The following BCOR variants were observed in gnomAD, a reference collection of about 807,000 sequenced individuals.
BCOR encodes BCL6 corepressor, also known as BCL-6 corepressor.
BCOR carries 10 observed loss-of-function variants against 86.7 expected under a neutral mutation model. The ratio of observed to expected loss-of-function variants is 0.12; its 90% CI spans 0.07 to 0.20. The LOEUF (loss-of-function observed/expected upper bound fraction) is 0.20. BCOR is among the 10% of genes least tolerant of loss of function. BCOR has a pLI of 1.00. For missense variants in BCOR, 1,259 were observed against 1,452.1 expected, an observed-to-expected ratio of 0.87 and a Z score of 2.16; for synonymous variants, 611 against 609.0, an observed-to-expected ratio of 1.00 and a Z score of -0.05.
At chrX:40,072,039 G>A in intron 4 of BCOR, 2 of 404,491 alleles carry the variant, frequency 4.9e-6, no homozygotes, top group Non-Finnish European at 8.6e-6. Context: ...CTTACAGGCA[G>A]AGAAATCAAA....
chrX:40,153,679 C>A (rs1938219111), intron 1 of BCOR, among the ~76,000 whole-genome samples: 1 of 111,798 alleles, frequency 8.9e-6, no homozygotes, highest in South Asian at 3.7e-4. Context: ...CGAAAAGCCC[C>A]GAGGAGAGGA....
upstream of BCOR, among the ~76,000 whole-genome samples, chrX:40,099,496 A>G (rs2147774457): frequency 8.9e-6 from 1 of 112,338 alleles, no homozygotes; most frequent in East Asian, 2.8e-4. Flanking sequence ...TGCAGGCTCC[A>G]TGAAACATAA....
At position 40,063,080 on chromosome X, in the gene BCOR, G is replaced by GGAGGGGGT; in HGVS notation, c.3848-17_3848-10dup. 1 of 1,138,751 alleles carries GGAGGGGGT rather than the reference G, an allele frequency of 8.8e-7. No individual in the cohort carries two copies. Among genetic ancestry groups the GGAGGGGGT allele is most frequent in the Admixed American group, 2.6e-5 (1 of 38,120 alleles). The allele number at this position is 1,138,751 out of a possible 1,213,427, so 93.8% of individuals were successfully genotyped here. On this transcript the variant is annotated splice_polypyrimidine_tract_variant and intron_variant, in intron 8 of 14. Transcript: ENST00000378444. Reference sequence around the variant, plus strand: ...GGAGAACACAGGCAAGCCTAAATACGGAGGGGGTGACGGGGTGGCGGGCGG... The same window carrying GGAGGGGGT: ...GGAGAACACAGGCAAGCCTAAATACGGAGGGGGTGAGGGGGTGACGGGGTGGCGGGCGG...
intron 1 of BCOR, among the ~76,000 whole-genome samples, chrX:40,127,078 C>G (rs1365361328): frequency 8.9e-6 from 1 of 111,898 alleles, no homozygotes; most frequent in African/African-American, 3.2e-5. Flanking sequence ...CCCCAGCAGA[C>G]TAATCTAGGG....
At chrX:40,140,927 G>C (rs1259283975) in intron 1 of BCOR, among the ~76,000 whole-genome samples, 2 of 113,081 alleles carry the variant, frequency 1.8e-5, no homozygotes, top group Non-Finnish European at 3.7e-5. Context: ...GCCTGAAGCT[G>C]CCAGCCAAGG....
chrX:40,071,754 A>C, intron 4 of BCOR, 64 bp from the exon 5 acceptor site: 1 of 857,424 alleles, frequency 1.2e-6, no homozygotes. Context: ...TTATAAGCAT[A>C]AACCAATTTT....
intron 1 of BCOR, among the ~76,000 whole-genome samples, chrX:40,125,557 A>G (rs1439414944): frequency 9.0e-6 from 1 of 111,082 alleles, no homozygotes; most frequent in Non-Finnish European, 1.9e-5. Context: ...TCTAATCACT[A>G]CATTTTTCCT....
At chrX:40,144,684 A>C (rs778362501) in intron 1 of BCOR, among the ~76,000 whole-genome samples, 71 of 111,643 alleles carry the variant, frequency 6.4e-4, no homozygotes, top group African/African-American at 2.2e-3. Flanking sequence ...GGCTTCCACG[A>C]CTTGCGCCTG....
intron 1 of BCOR, among the ~76,000 whole-genome samples, chrX:40,107,893 A>C (rs1349597563): frequency 8.8e-6 from 1 of 113,392 alleles, no homozygotes; most frequent in East Asian, 2.8e-4. Context: ...GTGCGTTCAT[A>C]CGCGGGAGGC....
intron 1 of BCOR, among the ~76,000 whole-genome samples, chrX:40,159,523 T>G (rs1300762993): frequency 2.7e-5 from 3 of 109,945 alleles, no homozygotes; most frequent in Non-Finnish European, 5.7e-5. Context: ...ATTTTTTTTT[T>G]GTATTTTTAG....
At chrX:40,145,965 T>G (rs1377981101) in intron 1 of BCOR, among the ~76,000 whole-genome samples, 1 of 111,515 alleles carries the variant, frequency 9.0e-6, no homozygotes, top group Non-Finnish European at 1.9e-5. Flanking sequence ...TTCTCGATGC[T>G]ATCGTGGGAC....
At chrX:40,171,521 G>T (rs948707888) in intron 1 of BCOR, among the ~76,000 whole-genome samples, 3 of 111,534 alleles carry the variant, frequency 2.7e-5, no homozygotes, top group Non-Finnish European at 3.8e-5. Context: ...AGGAGAATGG[G>T]GGTCGGGTGG....
In BCOR at chrX:40,062,896, G is replaced by A. The variant is rs772939285; in HGVS notation, c.4023C>T (p.Cys1341=). ...DVLCADEEED[C]QAASLLQKYT... ...ATTTCTGCAGCAGGGAGGCAGCCTG[G>A]CAATCCTCTTCTTCGTCTGCACACA... Residue 1341 remains cysteine, a synonymous_variant, in exon 9 of 15, where the codon TGC becomes TGT. Coordinates refer to ENST00000378444, the MANE Select transcript of BCOR (RefSeq NM_001123385.2). 3.3e-6 allele frequency: 4 copies of A among 1,209,613 alleles called. No homozygotes were observed. In the African/African-American group the frequency reaches 7.0e-5, roughly 21 times the overall value.
chrX:40,132,278 C>T (rs888230818), intron 1 of BCOR, among the ~76,000 whole-genome samples: 19 of 111,713 alleles, frequency 1.7e-4, no homozygotes, highest in Non-Finnish European at 7.5e-5. Context: ...CAGCTGAGTC[C>T]GTTCCAGAAT....
intron 1 of BCOR, among the ~76,000 whole-genome samples, chrX:40,126,440 G>A (rs781487062): frequency 1.4e-4 from 15 of 108,597 alleles, no homozygotes; most frequent in Non-Finnish European, 2.1e-4. Flanking sequence ...CAGGAGAATC[G>A]TTTGAACCTG....
chrX:40,101,148 A>G (rs1318225842), upstream of BCOR, among the ~76,000 whole-genome samples: 1 of 110,652 alleles, frequency 9.0e-6, no homozygotes, highest in East Asian at 2.9e-4. Flanking sequence ...AACAAGCAGA[A>G]AGCTGTCGAA....
chrX:40,063,307 A>C (rs1935003586), intron 8 of BCOR, among the ~76,000 whole-genome samples: 1 of 112,540 alleles, frequency 8.9e-6, no homozygotes, highest in Admixed American at 9.3e-5. Flanking sequence ...AGTTGCTTCA[A>C]AGGGCCCGGA....
In BCOR at chrX:40,072,751, G is replaced by A. The variant is rs750258173; in HGVS notation, c.2595C>T (p.Phe865=). The A allele has an allele frequency of 2.5e-6, 3 of 1,211,807 alleles. No individual in the cohort carries two copies. Among genetic ancestry groups the A allele is most frequent in the Admixed American group, 2.2e-5 (1 of 46,035 alleles). The stretch of plus-strand genomic sequence containing the variant: ...GCTGTTTGAAAGTATAAGTTTCGTG[G>A]AAGTCACTGATGCGCCCCAACTCCT... ...LREELGRISD[F]HETYTFKQPV... The change falls in exon 4 of 15, where the codon TTC becomes TTT. Residue 865 remains phenylalanine, a synonymous_variant. Transcript: ENST00000378444.
intron 6 of BCOR, among the ~76,000 whole-genome samples, chrX:40,069,019 A>T (rs1211624657): frequency 8.9e-6 from 1 of 112,340 alleles, no homozygotes; most frequent in Non-Finnish European, 1.9e-5. Flanking sequence ...TCCCCACCCC[A>T]GTTTCCATAT....
Sources: allele counts gnomAD v4.1 joint callset (sites outside exome capture counted in the v4.1 genomes callset), GRCh38; gene constraint gnomAD v4.1.1; transcripts MANE v1.5; gene names NCBI Gene and HGNC (gene_info 2026-07-23, HGNC 2026-07-21).